EHD4: variants seen among roughly 807,000 people sequenced by gnomAD.
EHD4 encodes the protein EH domain-containing protein 4.
A neutral mutation model predicts 51.0 loss-of-function variants in EHD4; 37 were observed. The ratio of observed to expected loss-of-function variants is 0.73; its 90% CI spans 0.56 to 0.95. The LOEUF is 0.95. EHD4 is among the 40% of genes least tolerant of loss of function. EHD4 has a pLI of 0.00. For missense variants in EHD4, 632 were observed against 733.1 expected (o/e 0.86, Z 1.59); for synonymous variants, 297 against 317.3 (o/e 0.94, Z 0.68).
intron 1 of EHD4, among the ~76,000 whole-genome samples, chr15:41,959,131 G>A (rs866179659): frequency 1.1e-3 from 171 of 152,058 alleles, no homozygotes; most frequent in African/African-American, 4.0e-3. Flanking sequence ...GGTGGCTCAC[G>A]CCTGTAATCC....
chr15:41,963,862 A>G (rs2067943598), intron 1 of EHD4, among the ~76,000 whole-genome samples: 1 of 151,840 alleles, frequency 6.6e-6, no homozygotes, highest in Non-Finnish European at 1.5e-5. Flanking sequence ...GAACAAGACC[A>G]GGGCCAGGCT....
At chr15:41,923,081 T>C (rs911680643) in intron 3 of EHD4, among the ~76,000 whole-genome samples, 9 of 152,174 alleles carry the variant, frequency 5.9e-5, no homozygotes, top group Admixed American at 3.9e-4. Context: ...CACAGTGGCA[T>C]TAAATAAGTC....
intron 4 of EHD4, among the ~76,000 whole-genome samples, chr15:41,914,068 C>T (rs2067567506): frequency 6.6e-6 from 1 of 151,842 alleles, no homozygotes; most frequent in African/African-American, 2.4e-5. Flanking sequence ...GCCTCCAAGA[C>T]TGAGACACAT....
intron 1 of EHD4, among the ~76,000 whole-genome samples, chr15:41,967,897 C>T (rs891123059): frequency 5.0e-4 from 76 of 152,342 alleles, no homozygotes; most frequent in African/African-American, 1.8e-3. Context: ...TCCATGTGTC[C>T]GGCCAGAGAT....
chr15:41,960,919 C>T (rs774035415), intron 1 of EHD4, among the ~76,000 whole-genome samples: 3 of 152,092 alleles, frequency 2.0e-5, no homozygotes, highest in South Asian at 2.1e-4. Flanking sequence ...GTGATCTGCC[C>T]GCCTCAGCCT....
At chr15:41,962,574 A>C (rs180957488) in intron 1 of EHD4, among the ~76,000 whole-genome samples, 7 of 150,664 alleles carry the variant, frequency 4.6e-5, no homozygotes, top group African/African-American at 1.7e-4. Context: ...AATATAATTG[A>C]GACAGATTTT....
At chr15:41,944,637 G>A (rs778674299) in intron 2 of EHD4, among the ~76,000 whole-genome samples, 7 of 152,192 alleles carry the variant, frequency 4.6e-5, no homozygotes, top group African/African-American at 7.2e-5. Context: ...TTTTCAAATC[G>A]GCCCAGGAAG....
At chr15:41,949,953 C>A (rs1403236935) in intron 2 of EHD4, among the ~76,000 whole-genome samples, 1 of 152,148 alleles carries the variant, frequency 6.6e-6, no homozygotes, top group Non-Finnish European at 1.5e-5. Flanking sequence ...GGGCAACTGC[C>A]TCCTGATAGC....
At position 41,958,609 on chromosome 15, in the gene EHD4, T is replaced by C. The variant is rs117140740; in HGVS notation, c.237-4669A>G. Among the ~76,000 whole-genome samples the C allele has an allele frequency of 5.9e-5, 9 of 152,292 alleles. No individual in the cohort carries two copies. The East Asian group carries it at 1.7e-3, about 29-fold the overall frequency. On this transcript the variant is annotated intron_variant, in intron 1 of 5. Transcript: ENST00000220325. ...ACTCTCAAGATATTGAAAACAGAGATACTCTCAATATGTCCAAGCACCATC... is the reference window on the plus strand; with the variant it reads ...ACTCTCAAGATATTGAAAACAGAGACACTCTCAATATGTCCAAGCACCATC...
At position 41,947,347 on chromosome 15, in the gene EHD4, T is replaced by C. The variant is rs199609127; in HGVS notation, c.414-4183A>G. Among the ~76,000 whole-genome samples the C allele has an allele frequency of 9.2e-5, 14 of 152,288 alleles. No individual in the cohort carries two copies. The East Asian group carries it at 2.5e-3, about 27-fold the overall frequency. On this transcript the variant is annotated intron_variant, in intron 2 of 5. Coordinates refer to ENST00000220325, the MANE Select transcript of EHD4 (RefSeq NM_139265.4). Reference sequence around the variant, plus strand: ...GGTGGGGAACAGGAGGTAGGAGATTTAGGCTCCAGACGTCTCCCTTACTCA... The same window carrying C: ...GGTGGGGAACAGGAGGTAGGAGATTCAGGCTCCAGACGTCTCCCTTACTCA...
At chr15:41,916,714 G>A (rs1243192881) in intron 4 of EHD4, among the ~76,000 whole-genome samples, 2 of 152,232 alleles carry the variant, frequency 1.3e-5, no homozygotes, top group Non-Finnish European at 2.9e-5. Flanking sequence ...TGCTGAGTCC[G>A]GCTTCTCCTC....
chr15:41,932,662 C>T (rs2067706546), intron 3 of EHD4, among the ~76,000 whole-genome samples: 1 of 152,144 alleles, frequency 6.6e-6, no homozygotes, highest in African/African-American at 2.4e-5. Context: ...GAAGCCGGGC[C>T]CCTCAGCCAC....
chr15:41,942,062 C>T lies in EHD4; in HGVS notation c.511+1005G>A, dbSNP rs1464377039. 4 of 152,342 alleles carry T rather than the reference C, an allele frequency of 2.6e-5. No homozygotes were observed. The South Asian group carries it at 6.2e-4, about 24-fold the overall frequency. The allele number at this position is 152,342 out of a possible 1,614,324, so 9.4% of individuals were successfully genotyped here. ...CTCCATCTCCTCCCTCCCAGCAACC[C>T]GCCTTTGTTTCAAGGGCCAGGGCAA... On this transcript the variant is annotated intron_variant, in intron 3 of 5. Transcript: ENST00000220325.
intron 5 of EHD4, among the ~76,000 whole-genome samples, chr15:41,904,342 C>G (rs963129826): frequency 1.3e-5 from 2 of 152,064 alleles, no homozygotes; most frequent in African/African-American, 2.4e-5. Flanking sequence ...AATAAACCCT[C>G]CATTCTCATC....
intron 1 of EHD4, among the ~76,000 whole-genome samples, chr15:41,955,012 A>G (rs2067877681): frequency 6.6e-6 from 1 of 152,150 alleles, no homozygotes; most frequent in East Asian, 1.9e-4. Context: ...ACTTCATCCA[A>G]AGTTTCTACG....
intron 3 of EHD4, among the ~76,000 whole-genome samples, chr15:41,927,956 G>T (rs2090322450): frequency 6.6e-6 from 1 of 152,158 alleles, no homozygotes; most frequent in Admixed American, 6.5e-5. Flanking sequence ...TTAAATAGTG[G>T]TATGCGTTTC....
intron 3 of EHD4, among the ~76,000 whole-genome samples, chr15:41,939,499 C>G (rs1357119034): frequency 6.6e-6 from 1 of 151,428 alleles, no homozygotes; most frequent in East Asian, 1.9e-4. Flanking sequence ...GAGTTTGAGA[C>G]CAGTTTGGCC....
intron 3 of EHD4, among the ~76,000 whole-genome samples, chr15:41,922,169 G>A (rs2067630611): frequency 6.6e-6 from 1 of 152,150 alleles, no homozygotes; most frequent in Non-Finnish European, 1.5e-5. Flanking sequence ...CGGGAGGATT[G>A]TTTGAGGCTA....
intron 1 of EHD4, among the ~76,000 whole-genome samples, chr15:41,968,324 A>AT (rs1384592103): frequency 6.6e-6 from 1 of 152,150 alleles, no homozygotes; most frequent in African/African-American, 2.4e-5. Flanking sequence ...TTTATTAAAA[A>AT]TTTTTATCAT....
Sources: gnomAD v4.1 joint callset for allele counts (sites outside exome capture counted in the v4.1 genomes callset) on GRCh38, gnomAD v4.1.1 for gene constraint, MANE v1.5 for transcripts, NCBI Gene and HGNC (gene_info 2026-07-23, HGNC 2026-07-21) for gene names.